KCNT2: variants seen among roughly 807,000 people sequenced by gnomAD.
KCNT2 encodes potassium channel subfamily T member 2.
In KCNT2, 67 loss-of-function variants were observed where a neutral mutation model predicts 153.8. The ratio of observed to expected loss-of-function variants is 0.44; its 90% CI spans 0.36 to 0.53. KCNT2 has a LOEUF of 0.53. Ranked by LOEUF, KCNT2 falls within the 20% of genes least tolerant of loss-of-function variation. The probability of loss-of-function intolerance (pLI) is 0.00; values close to 1 mark genes in which losing one functional copy is unlikely to be tolerated. For missense variants in KCNT2, 975 were observed against 1,354.8 expected (o/e 0.72, Z 4.40); for synonymous variants, 500 against 458.8 (o/e 1.09, Z -1.15).
chr1:196,395,674 C>T (rs950303912), intron 13 of KCNT2, among the ~76,000 whole-genome samples: 2 of 151,642 alleles, frequency 1.3e-5, no homozygotes, highest in African/African-American at 4.8e-5. Flanking sequence ...ACAGCAACTA[C>T]ATCACCATGA....
chr1:196,465,494 A>G (rs1677532116), intron 7 of KCNT2, 107 bp from the exon 8 acceptor site: 2 of 688,368 alleles, frequency 2.9e-6, no homozygotes, highest in Non-Finnish European at 5.3e-6. Context: ...CTGTACACAT[A>G]CATACATATG....
At chr1:196,292,341 A>G (rs1374871946) in intron 22 of KCNT2, among the ~76,000 whole-genome samples, 1 of 152,228 alleles carries the variant, frequency 6.6e-6, no homozygotes, top group African/African-American at 2.4e-5. Flanking sequence ...TACGCCATGT[A>G]TAAAAACTCC....
In KCNT2 at chr1:196,469,083, T is replaced by C. The variant is rs1241419165; in HGVS notation, c.385-15A>G. 6.5e-6 allele frequency: 10 copies of C among 1,544,154 alleles called. No homozygotes were observed. In the Admixed American group the frequency reaches 1.0e-4, roughly 16 times the overall value. ...CAGATGTTTCCCTTCCAAGAAAGAA[T>C]GAATAAAAACGAAAGTCAATTATAC... On this transcript the variant is annotated splice_polypyrimidine_tract_variant and intron_variant, in intron 5 of 27. Transcript: ENST00000294725.
At chr1:196,502,388 A>C (rs1044522122) in intron 1 of KCNT2, among the ~76,000 whole-genome samples, 4 of 152,196 alleles carry the variant, frequency 2.6e-5, no homozygotes, top group Admixed American at 2.6e-4. Flanking sequence ...TTTAAAATAC[A>C]ATTCAAAATA....
At chr1:196,453,847 C>T (rs1457460154) in intron 8 of KCNT2, among the ~76,000 whole-genome samples, 1 of 151,862 alleles carries the variant, frequency 6.6e-6, no homozygotes, top group African/African-American at 2.4e-5. Context: ...GTAATATAAG[C>T]TATCTGAAAG....
chr1:196,576,314 C>T (rs1159308270), intron 1 of KCNT2, among the ~76,000 whole-genome samples: 3 of 151,932 alleles, frequency 2.0e-5, no homozygotes, highest in African/African-American at 7.2e-5. Context: ...AAACTGAGAT[C>T]CAGAGAAATT....
intron 12 of KCNT2, among the ~76,000 whole-genome samples, chr1:196,418,398 G>T (rs781019710): frequency 2.6e-5 from 4 of 152,022 alleles, no homozygotes; most frequent in Non-Finnish European, 1.5e-5. Flanking sequence ...CCCAGAAGGC[G>T]GAGGTTGCAG....
At chr1:196,334,575 A>T (rs1411827098) in intron 16 of KCNT2, among the ~76,000 whole-genome samples, 2 of 147,986 alleles carry the variant, frequency 1.4e-5, no homozygotes, top group South Asian at 4.2e-4. Context: ...CCCAGGTTCA[A>T]GCGCCCCCTT....
intron 14 of KCNT2, among the ~76,000 whole-genome samples, chr1:196,355,036 G>T (rs972183701): frequency 1.3e-5 from 2 of 151,534 alleles, no homozygotes; most frequent in African/African-American, 4.8e-5. Context: ...TATAATTTAC[G>T]GTACGGGGGT....
chr1:196,479,491 C>T (rs910694220), intron 4 of KCNT2, among the ~76,000 whole-genome samples: 11 of 136,788 alleles, frequency 8.0e-5, no homozygotes, highest in Non-Finnish European at 1.1e-4. Context: ...AGTTATTATT[C>T]AAAATGTAAA....
At chr1:196,467,885 T>C (rs1677755993) in intron 6 of KCNT2, 99 bp from the exon 7 acceptor site, 1 of 552,560 alleles carries the variant, frequency 1.8e-6, no homozygotes, top group East Asian at 3.0e-5. Flanking sequence ...TTAAAGAAAG[T>C]ATAATAATTT....
chr1:196,446,743 T>C (rs1251458592), intron 8 of KCNT2, among the ~76,000 whole-genome samples: 2 of 151,584 alleles, frequency 1.3e-5, no homozygotes, highest in Admixed American at 1.3e-4. Flanking sequence ...CCTAGTGAAC[T>C]AAACCAGTAA....
At chr1:196,247,164 G>A in intron 26 of KCNT2, among the ~76,000 whole-genome samples, 1 of 151,886 alleles carries the variant, frequency 6.6e-6, no homozygotes. Flanking sequence ...TAGATTTCAA[G>A]GTAAAAACTA....
intron 23 of KCNT2, among the ~76,000 whole-genome samples, chr1:196,283,068 T>TTGAGG (rs1659271168): frequency 6.6e-6 from 1 of 152,214 alleles, no homozygotes. Flanking sequence ...GGTCTAGAAC[T>TTGAGG]CCTGGCCTCA....
chr1:196,407,308 T>C (rs1671907256), intron 12 of KCNT2, among the ~76,000 whole-genome samples: 1 of 151,598 alleles, frequency 6.6e-6, no homozygotes, highest in Non-Finnish European at 1.5e-5. Context: ...GGTCAGGTTA[T>C]CTTGACGGCG....
intron 22 of KCNT2, among the ~76,000 whole-genome samples, chr1:196,292,811 C>CA (rs750026564): frequency 0.013 from 883 of 68,546 alleles, 7 homozygotes; most frequent in Middle Eastern, 0.019. Flanking sequence ...GACTCTGTCT[C>CA]AAAAAAAAAA....
chr1:196,309,804 T>C (rs1661989322), intron 21 of KCNT2, among the ~76,000 whole-genome samples: 1 of 151,868 alleles, frequency 6.6e-6, no homozygotes, highest in Admixed American at 6.6e-5. Context: ...TGTAGAACAT[T>C]TTAGAATTAA....
chr1:196,418,622 G>A (rs775917692), intron 12 of KCNT2, among the ~76,000 whole-genome samples: 2 of 151,838 alleles, frequency 1.3e-5, no homozygotes, highest in East Asian at 3.9e-4. Flanking sequence ...TCTTTACCTG[G>A]TTACTTTATA....
chr1:196,431,881 G>C (rs1674182990), intron 8 of KCNT2, among the ~76,000 whole-genome samples: 1 of 152,078 alleles, frequency 6.6e-6, no homozygotes, highest in Non-Finnish European at 1.5e-5. Context: ...TATGTGATAA[G>C]GAGACTCTTG....
Sources: allele counts gnomAD v4.1 joint callset (sites outside exome capture counted in the v4.1 genomes callset), GRCh38; gene constraint gnomAD v4.1.1; transcripts MANE v1.5; gene names NCBI Gene and HGNC (gene_info 2026-07-23, HGNC 2026-07-21).